SLC22A23: variants seen among roughly 807,000 people sequenced by gnomAD.
SLC22A23 encodes ion transporter protein.
In SLC22A23, 26 loss-of-function variants were observed where a neutral mutation model predicts 61.0. That is an observed-to-expected ratio of 0.43 (90% CI 0.31 to 0.59). SLC22A23 has a LOEUF of 0.59. Among genes scored for constraint, SLC22A23 ranks in the 20% least tolerant of loss-of-function variants. The pLI is 0.11. For synonymous variants in SLC22A23, 430 were observed against 413.9 expected (o/e 1.04, Z -0.47); for missense variants, 796 against 934.7 (o/e 0.85, Z 1.94).
At chr6:3,379,986 T>C (rs9503572) in intron 3 of SLC22A23, among the ~76,000 whole-genome samples, 121,199 of 152,128 alleles carry the variant, frequency 0.8, 49,264 homozygotes, top group African/African-American at 0.95. Flanking sequence ...TGCACGTGCG[T>C]GCATCTGTAC....
rs2127423697 is a variant in SLC22A23, at chr6:3,342,286, T to G, written c.914-18284A>C. Reference sequence around the variant, plus strand: ...TGTGTCTCCTTAACATAACTCTTTTTCAAAAAGTCATTGGGTGGCCAACAA... The same window carrying G: ...TGTGTCTCCTTAACATAACTCTTTTGCAAAAAGTCATTGGGTGGCCAACAA... On this transcript the variant is annotated intron_variant, in intron 3 of 9. Coordinates refer to ENST00000406686, the MANE Select transcript of SLC22A23 (RefSeq NM_015482.2). This position sits in a 1 kb window ranked among gnomAD's most constrained non-coding sequence, Gnocchi z 4.0. 6.6e-6 allele frequency among the ~76,000 whole-genome samples: 1 copy of G among 152,326 alleles called. No homozygotes were observed. The highest frequency in any genetic ancestry group is 2.1e-4 in the South Asian group (1 of 4,826).
intron 4 of SLC22A23, chr6:3,313,582 A>G (rs758544717): frequency 4.6e-5 from 7 of 152,062 alleles, no homozygotes; most frequent in Non-Finnish European, 1.0e-4. Flanking sequence ...TTTTATCTGT[A>G]ATAGAGTCTC....
chr6:3,453,741 A>G (rs1355908253), intron 1 of SLC22A23, among the ~76,000 whole-genome samples: 1 of 152,226 alleles, frequency 6.6e-6, no homozygotes, highest in Non-Finnish European at 1.5e-5. Flanking sequence ...CATGGAACAG[A>G]GCAGGAAAGA....
chr6:3,306,525 G>GC (rs1442296196), intron 4 of SLC22A23, among the ~76,000 whole-genome samples: 1 of 152,190 alleles, frequency 6.6e-6, no homozygotes, highest in Admixed American at 6.5e-5. Context: ...CAAATACATT[G>GC]CCCAGGATTA....
In SLC22A23 at chr6:3,286,895, C is replaced by T. The variant is rs752031624; in HGVS notation, c.1510G>A (p.Ala504Thr). The T allele has an allele frequency of 6.2e-6, 10 of 1,611,010 alleles. No individual in the cohort carries two copies. In the East Asian group the frequency reaches 6.7e-5, roughly 11 times the overall value. The change falls in exon 7 of 10, where the codon GCC (alanine) becomes ACC (threonine). Residue 504 changes from alanine (A) to threonine (T), a missense_variant. Physicochemically the swap from Ala to Thr is moderately conservative, Grantham distance 58 (BLOSUM62 0). Transcript: ENST00000406686. The surrounding 1 kb of genome is among the most constrained non-coding windows in gnomAD (Gnocchi z 4.2). Reference sequence around the variant, plus strand: ...CCGAGCTGCAGGAGTGAGGCCAGGGCGGTGAGGATCATGAAGAGCAGCAGC... The same window carrying T: ...CCGAGCTGCAGGAGTGAGGCCAGGGTGGTGAGGATCATGAAGAGCAGCAGC... ...GGLLLFMILT[A>T]LASLLQLGLL...
chr6:3,322,140 C>T lies in SLC22A23; in HGVS notation c.1082+1694G>A, dbSNP rs961709272. ...TGGCCGCTTCAGGTCCAGGCTCTGA[C>T]GTGAGTCAGCGGGGGTCAGGGGACC... On this transcript the variant is annotated intron_variant, in intron 4 of 9. Coordinates refer to ENST00000406686, the MANE Select transcript of SLC22A23 (RefSeq NM_015482.2). The surrounding 1 kb of genome is among the most constrained non-coding windows in gnomAD (Gnocchi z 4.1). Among the ~76,000 whole-genome samples the T allele has an allele frequency of 1.3e-5, 2 of 152,120 alleles. No individual in the cohort carries two copies. Among genetic ancestry groups the T allele is most frequent in the East Asian group, 1.9e-4 (1 of 5,184 alleles).
At chr6:3,347,772 C>A (rs1372608154) in intron 3 of SLC22A23, among the ~76,000 whole-genome samples, 2 of 152,174 alleles carry the variant, frequency 1.3e-5, no homozygotes, top group African/African-American at 4.8e-5. Context: ...TTCCTCTAAT[C>A]TCCACTGGAG....
In SLC22A23 at chr6:3,273,498, C is replaced by T. The variant is rs1158332499; in HGVS notation, c.1704-86G>A. 4.8e-6 allele frequency: 7 copies of T among 1,455,768 alleles called. No individual in the cohort carries two copies. The East Asian group carries it at 6.8e-5, about 14-fold the overall frequency. The allele number at this position is 1,455,768 out of a possible 1,614,324, so 90.2% of individuals were successfully genotyped here. On this transcript the variant is annotated intron_variant, in intron 9 of 9. Coordinates refer to ENST00000406686, the MANE Select transcript of SLC22A23 (RefSeq NM_015482.2). ...AGCTCGGGGTGGACCAGGAAGCCACCTCTGCAGGGGCCCTGCTGCCCTGGG... is the reference window on the plus strand; with the variant it reads ...AGCTCGGGGTGGACCAGGAAGCCACTTCTGCAGGGGCCCTGCTGCCCTGGG...
chr6:3,450,043 T>C (rs1772093019), intron 1 of SLC22A23, among the ~76,000 whole-genome samples: 1 of 152,212 alleles, frequency 6.6e-6, no homozygotes. Context: ...TACGCTAGTG[T>C]TTCTGAGACA....
Position 3,415,219 on chromosome 6 carries a change from C to T in SLC22A23, c.758+533G>A, listed in dbSNP as rs138563967. 1.9e-4 allele frequency among the ~76,000 whole-genome samples: 29 copies of T among 152,246 alleles called. No individual in the cohort carries two copies. The East Asian group carries it at 5.4e-3, about 28-fold the overall frequency. ...TGCCCACAGCGCCCATCTGTATTAC[C>T]GAAATGCTCTTTATCACTCAAGGTG... On this transcript the variant is annotated intron_variant, in intron 2 of 9. Coordinates refer to ENST00000406686, the MANE Select transcript of SLC22A23 (RefSeq NM_015482.2).
At chr6:3,295,084 G>C (rs968920398) in intron 5 of SLC22A23, among the ~76,000 whole-genome samples, 1 of 152,210 alleles carries the variant, frequency 6.6e-6, no homozygotes, top group Admixed American at 6.5e-5. Flanking sequence ...GTCGCGTCAG[G>C]CCTTCGGCTG....
At chr6:3,411,176 C>T (rs995795044) in intron 2 of SLC22A23, among the ~76,000 whole-genome samples, 7 of 152,204 alleles carry the variant, frequency 4.6e-5, no homozygotes, top group African/African-American at 1.7e-4. Context: ...CCCATGCTAA[C>T]TTTCCATCTT....
chr6:3,361,388 C>A (rs959279979), intron 3 of SLC22A23, among the ~76,000 whole-genome samples: 3 of 151,822 alleles, frequency 2.0e-5, no homozygotes, highest in Admixed American at 2.0e-4. Flanking sequence ...GAGAGCTGTC[C>A]TGGCTCAGGC....
intron 3 of SLC22A23, among the ~76,000 whole-genome samples, chr6:3,406,652 C>T (rs1276986291): frequency 6.6e-6 from 1 of 152,132 alleles, no homozygotes; most frequent in African/African-American, 2.4e-5. Context: ...GAGGCCACTA[C>T]TGTGCTGGGG....
In SLC22A23 at chr6:3,321,365, TGCACACACGTGCACACAC is replaced by T. The variant is rs1353727076; in HGVS notation, c.1082+2451_1082+2468del. ...GAGCACCTTGGGACCGCCATCCTCA[TGCACACACGTGCACACAC>T]ATGCACACACGTACACATACATGCA... On this transcript the variant is annotated intron_variant, in intron 4 of 9. Coordinates refer to ENST00000406686, the MANE Select transcript of SLC22A23 (RefSeq NM_015482.2). 1.2e-3 allele frequency among the ~76,000 whole-genome samples: 189 copies of T among 151,838 alleles called. 5 individuals are homozygous for T. The East Asian group carries it at 0.035, about 29-fold the overall frequency.
chr6:3,343,458 A>G (rs1042292137), intron 3 of SLC22A23, among the ~76,000 whole-genome samples: 1 of 151,958 alleles, frequency 6.6e-6, no homozygotes. Context: ...AGCCCCTGCA[A>G]ATACACACAC....
intron 4 of SLC22A23, among the ~76,000 whole-genome samples, chr6:3,301,089 T>A (rs1027640050): frequency 6.6e-6 from 1 of 152,196 alleles, no homozygotes; most frequent in Admixed American, 6.5e-5. Context: ...AACAGATACA[T>A]GACATTAATA....
intron 9 of SLC22A23, among the ~76,000 whole-genome samples, chr6:3,280,300 C>T (rs74481518): frequency 0.083 from 12,681 of 152,000 alleles, 1,326 homozygotes; most frequent in African/African-American, 0.25. Flanking sequence ...CACAGGGAGG[C>T]GGCCTCAGGA....
intron 3 of SLC22A23, among the ~76,000 whole-genome samples, chr6:3,393,063 G>T (rs548915665): frequency 6.6e-6 from 1 of 152,328 alleles, no homozygotes; most frequent in Admixed American, 6.5e-5. Flanking sequence ...AAGCAAAGAA[G>T]AGGGTGTGGT....
Sources: gnomAD v4.1 joint callset for allele counts (sites outside exome capture counted in the v4.1 genomes callset) on GRCh38, gnomAD v4.1.1 for gene constraint, Gnocchi (gnomAD v3.1) non-coding constraint, MANE v1.5 for transcripts, NCBI Gene and HGNC (gene_info 2026-07-23, HGNC 2026-07-21) for gene names.